HOXC4: variants seen among roughly 807,000 people sequenced by gnomAD.
HOXC4 encodes the protein homeobox protein Hox-C4.
A neutral mutation model predicts 25.5 loss-of-function variants in HOXC4; 15 were observed. The ratio of observed to expected loss-of-function variants is 0.59; its 90% CI spans 0.39 to 0.91. The LOEUF (loss-of-function observed/expected upper bound fraction) is 0.91. Ranked by LOEUF, HOXC4 falls within the 40% of genes least tolerant of loss-of-function variation. The probability of loss-of-function intolerance (pLI) is 0.00; values close to 1 mark genes in which losing one functional copy is unlikely to be tolerated. For synonymous variants in HOXC4, 165 were observed against 148.0 expected (o/e 1.11, Z -0.83); for missense variants, 342 against 352.4 (o/e 0.97, Z 0.24).
chr12:54,054,890 G>A lies in HOXC4; in HGVS notation c.480G>A (p.Arg160=). The change falls in exon 2 of 2, where the codon AGG becomes AGA. Residue 160 remains arginine, a synonymous_variant. Coordinates refer to ENST00000430889, the MANE Select transcript of HOXC4 (RefSeq NM_153633.3). Reference sequence around the variant, plus strand: ...ACGGAGGGGAACCCAAGCGCTCGAGGACAGCCTATACCCGGCAGCAAGTCC... The same window carrying A: ...ACGGAGGGGAACCCAAGCGCTCGAGAACAGCCTATACCCGGCAGCAAGTCC... ...NYNGGEPKRS[R]TAYTRQQVLE... The A allele has an allele frequency of 6.2e-7, 1 of 1,613,080 alleles. No homozygotes were observed. Among genetic ancestry groups the A allele is most frequent in the Non-Finnish European group, 8.5e-7 (1 of 1,179,238 alleles).
intron 1 of HOXC4, chr12:54,021,102 G>C (rs1940414331): frequency 6.5e-6 from 1 of 152,736 alleles, no homozygotes; most frequent in African/African-American, 2.4e-5. Context: ...ATCTGGGGCA[G>C]CTGCTGGCCA....
In HOXC4 at chr12:54,029,879, G is replaced by A. The variant is rs200427348; in HGVS notation, c.-124+12465G>A. 1.5e-4 allele frequency: 237 copies of A among 1,612,448 alleles called. No individual in the cohort carries two copies. The highest frequency in any genetic ancestry group is 1.8e-4 in the Non-Finnish European group (218 of 1,179,174). ...TAATCTCACATCCACTCTCTCGGGG[G>A]GCGGCGGAGGGGCCACCGCCGACAG... is the stretch of plus-strand genomic sequence containing the variant. On this transcript the variant is annotated intron_variant, in intron 1 of 3. Coordinates refer to the HOXC4 transcript ENST00000303406.
At chr12:54,041,978 T>TTTTC (rs1491471294) in intron 1 of HOXC4, among the ~76,000 whole-genome samples, 10 of 65,734 alleles carry the variant, frequency 1.5e-4, no homozygotes, top group African/African-American at 5.3e-4. Context: ...TTTTCTTTTC[T>TTTTC]TTTTTTTTTT....
chr12:54,037,609 A>T (rs1341798107), intron 1 of HOXC4, among the ~76,000 whole-genome samples: 5 of 151,742 alleles, frequency 3.3e-5, no homozygotes, highest in African/African-American at 9.7e-5. Context: ...ATAAATAAGG[A>T]TCCACCCTCT....
intron 1 of HOXC4, among the ~76,000 whole-genome samples, chr12:54,024,193 C>T (rs1486047626): frequency 6.6e-6 from 1 of 152,132 alleles, no homozygotes; most frequent in Non-Finnish European, 1.5e-5. Flanking sequence ...ACAAAAGGGG[C>T]CAGCGGGGCA....
chr12:54,040,546 A>T (rs749460643), intron 1 of HOXC4, among the ~76,000 whole-genome samples: 4 of 152,202 alleles, frequency 2.6e-5, no homozygotes, highest in Non-Finnish European at 5.9e-5. Context: ...TGTATCTGGG[A>T]GTCAATCTCA....
chr12:54,050,105 G>C (rs1354920196), upstream of HOXC4, among the ~76,000 whole-genome samples: 1 of 152,110 alleles, frequency 6.6e-6, no homozygotes, highest in Non-Finnish European at 1.5e-5. Flanking sequence ...TCAGAGAGGG[G>C]TACGATTTTA....
intron 1 of HOXC4, among the ~76,000 whole-genome samples, chr12:54,042,964 T>C (rs1358431819): frequency 6.6e-6 from 1 of 152,182 alleles, no homozygotes; most frequent in Non-Finnish European, 1.5e-5. Context: ...TCTTTATTTT[T>C]GAGGCCTACA....
intron 1 of HOXC4, chr12:54,033,933 C>T (rs113705599): frequency 2.0e-5 from 9 of 457,514 alleles, no homozygotes; most frequent in African/African-American, 1.6e-4. Context: ...GCTTGCGGCT[C>T]CGGAGGATTC....
intron 1 of HOXC4, chr12:54,047,939 G>A (rs1471580834): frequency 3.3e-5 from 5 of 152,356 alleles, no homozygotes; most frequent in African/African-American, 1.2e-4. Context: ...AACCCAAATG[G>A]CATCAAGATG....
chr12:54,034,480 A>G, intron 1 of HOXC4: 2 of 1,613,948 alleles, frequency 1.2e-6, no homozygotes, highest in Non-Finnish European at 8.5e-7. Flanking sequence ...TGAAAAGCAA[A>G]GAGGCTCTTT....
At chr12:54,049,803 A>G (rs917411234), upstream of HOXC4, among the ~76,000 whole-genome samples, 3 of 150,274 alleles carry the variant, frequency 2.0e-5, no homozygotes, top group African/African-American at 7.4e-5. Flanking sequence ...CACACACGAA[A>G]AAAATGGGCT....
chr12:54,033,315 G>A (rs777703309), intron 1 of HOXC4: 1 of 1,613,954 alleles, frequency 6.2e-7, no homozygotes, highest in East Asian at 2.2e-5. Flanking sequence ...AGACATGGCT[G>A]CCAACCCCCG....
At chr12:54,027,694 G>A (rs1453174075) in intron 1 of HOXC4, among the ~76,000 whole-genome samples, 5 of 152,002 alleles carry the variant, frequency 3.3e-5, no homozygotes, top group African/African-American at 1.2e-4. Flanking sequence ...TTTCCCAACA[G>A]AGGGGTCCTG....
intron 1 of HOXC4, among the ~76,000 whole-genome samples, chr12:54,044,029 G>A (rs1044558785): frequency 3.3e-5 from 5 of 151,698 alleles, no homozygotes; most frequent in South Asian, 2.1e-4. Context: ...TCCCCTGGGT[G>A]GAGGATGGGG....
rs920391689 is a variant in HOXC4 at position 54,026,972 on chromosome 12, G to T, written c.-124+9558G>T. The stretch of plus-strand genomic sequence containing the variant: ...AACCCACCCAAAAATGGTGGGGGGG[G>T]GGGGATATGAGCTTTCTCTGCTCCC... On this transcript the variant is annotated intron_variant, in intron 1 of 3. Transcript: ENST00000303406. Among the ~76,000 whole-genome samples, 15 of 139,018 alleles carry T rather than the reference G, an allele frequency of 1.1e-4. No homozygotes were observed. In the East Asian group the frequency reaches 3.0e-3, roughly 27 times the overall value. 91.2% of individuals were successfully genotyped at this position (139,018 alleles called of 152,430 possible). A position where few individuals can be genotyped will look rare whatever the true frequency, so the allele number is the denominator to read the frequency against.
upstream of HOXC4, among the ~76,000 whole-genome samples, chr12:54,049,663 G>A (rs969521151): frequency 6.6e-6 from 1 of 151,126 alleles, no homozygotes; most frequent in South Asian, 2.1e-4. Flanking sequence ...ACTGACAAGA[G>A]ATTTAAGAAA....
At chr12:54,041,812 G>C (rs1941277932) in intron 1 of HOXC4, among the ~76,000 whole-genome samples, 1 of 151,916 alleles carries the variant, frequency 6.6e-6, no homozygotes, top group Non-Finnish European at 1.5e-5. Flanking sequence ...AAGTGGCTGG[G>C]ATTACAGGTG....
chr12:54,040,520 C>A (rs780115272), intron 1 of HOXC4, among the ~76,000 whole-genome samples: 17 of 152,202 alleles, frequency 1.1e-4, no homozygotes, highest in Non-Finnish European at 4.4e-5. Context: ...CTTGTCTCCT[C>A]AGTTGCTTAC....
Sources: gnomAD v4.1 joint callset for allele counts (sites outside exome capture counted in the v4.1 genomes callset) on GRCh38, gnomAD v4.1.1 for gene constraint, MANE v1.5 for transcripts, NCBI Gene and HGNC (gene_info 2026-07-23, HGNC 2026-07-21) for gene names.